Variants in SSX3 observed in about 807,000 individuals in gnomAD.
The protein encoded by SSX3 is protein SSX3.
Under a neutral mutation model 14.8 loss-of-function variants are expected in SSX3, and 6 were observed. That is an observed-to-expected ratio of 0.41 (90% CI 0.22 to 0.80). The LOEUF is 0.80. Ranked by LOEUF, SSX3 falls within the 30% of genes least tolerant of loss-of-function variation. The pLI is 0.34. For synonymous variants in SSX3, 55 were observed against 52.9 expected, an observed-to-expected ratio of 1.04 and a Z score of -0.18; for missense variants, 163 against 152.2, an observed-to-expected ratio of 1.07 and a Z score of -0.37.
At position 48,356,634 on chromosome X, in the gene SSX3, T is replaced by C. The variant is rs1390122009; in HGVS notation, c.-21A>G. The C allele has an allele frequency of 9.0e-6, 1 of 111,258 alleles. No homozygotes were observed. Among genetic ancestry groups the C allele is most frequent in the African/African-American group, 3.3e-5 (1 of 30,261 alleles). 9.2% of individuals were successfully genotyped at this position (111,258 alleles called of 1,213,427 possible). Reference sequence around the variant, plus strand: ...AAAAAGAAAATCAGTGTATTCTTACTCTGATTTTGGAAGAATCCAAAGAGA... The same window carrying C: ...AAAAAGAAAATCAGTGTATTCTTACCCTGATTTTGGAAGAATCCAAAGAGA... On this transcript the variant is annotated splice_region_variant and 5_prime_UTR_variant, in exon 1 of 8. Transcript: ENST00000298396.
At chrX:48,354,478 T>C (rs782579712) in intron 3 of SSX3, among the ~76,000 whole-genome samples, 154 bp downstream of exon 3, 4 of 109,056 alleles carry the variant, frequency 3.7e-5, no homozygotes, top group Admixed American at 9.9e-5. Flanking sequence ...CCTGACAGGA[T>C]ATAGAAGAGC....
At chrX:48,347,883 C>G (rs2061245513) in intron 6 of SSX3, among the ~76,000 whole-genome samples, 1 of 112,369 alleles carries the variant, frequency 8.9e-6, no homozygotes, top group Non-Finnish European at 1.9e-5. Context: ...TAATTTCATA[C>G]AGCACGTATT....
In SSX3 at chrX:48,348,633, C is replaced by T. The variant is rs150719214; in HGVS notation, c.467-1029G>A. On this transcript the variant is annotated intron_variant, in intron 6 of 7. Transcript: ENST00000298396. Reference sequence around the variant, plus strand: ...AGCTAGGCCTCTTGCACCAAACAGCCAAGCTGTGAATGCAAAGAAAAGTTC... The same window carrying T: ...AGCTAGGCCTCTTGCACCAAACAGCTAAGCTGTGAATGCAAAGAAAAGTTC... Among the ~76,000 whole-genome samples, 573 of 111,027 alleles carry T rather than the reference C, an allele frequency of 5.2e-3. 7 individuals carry two copies. The highest frequency in any genetic ancestry group is 0.019 in the African/African-American group (551 of 29,682).
At chrX:48,354,515 T>C in intron 3 of SSX3, 117 bp downstream of exon 3, 1 of 880,562 alleles carries the variant, frequency 1.1e-6, no homozygotes, top group Non-Finnish European at 1.6e-6. Flanking sequence ...GCCTTGCGAT[T>C]TTTCCCTACA....
intron 6 of SSX3, chrX:48,349,611 G>A: frequency 8.3e-7 from 1 of 1,208,621 alleles, no homozygotes; most frequent in Non-Finnish European, 1.1e-6. Flanking sequence ...CAGGCATTGA[G>A]CTGAGTAAGA....
intron 6 of SSX3, among the ~76,000 whole-genome samples, chrX:48,348,046 T>C (rs1379254071): frequency 8.9e-6 from 1 of 112,612 alleles, no homozygotes. Context: ...CAGTGAGCTT[T>C]ACTATTATTA....
Position 48,350,122 on chromosome X carries a change from T to A in SSX3, c.331A>T (p.Ile111Phe). The A allele has an allele frequency of 8.3e-7, 1 of 1,211,529 alleles. No individual in the cohort carries two copies. Among genetic ancestry groups the A allele is most frequent in the Middle Eastern group, 2.3e-4 (1 of 4,351 alleles). Residue 111 changes from isoleucine to phenylalanine, a missense_variant and splice_region_variant, in exon 6 of 8, where the codon ATC (isoleucine) becomes TTC (phenylalanine). Physicochemically the swap from Ile to Phe is conservative, Grantham distance 21. Coordinates refer to ENST00000298396, the MANE Select transcript of SSX3 (RefSeq NM_021014.4). ...TCCTCTGCTGGCTTCTTGGGCATGA[T>A]CTTTATAATGTGAAGGTCATAGATA... ...FGRLQGIFPK[I>F]MPKKPAEEGN...
chrX:48,350,897 A>G (rs1240236076), intron 5 of SSX3, among the ~76,000 whole-genome samples: 2 of 108,100 alleles, frequency 1.9e-5, no homozygotes, highest in African/African-American at 3.4e-5. Flanking sequence ...TAGCCTCCAG[A>G]GTATCTGGGA....
chrX:48,354,604 C>T, intron 3 of SSX3, 28 bp downstream of exon 3: 1 of 1,183,713 alleles, frequency 8.4e-7, no homozygotes, highest in Non-Finnish European at 1.1e-6. Flanking sequence ...TGTCCCCAGA[C>T]TTGTCTGTAC....
rs1388927617 is a variant in SSX3 at position 48,353,557 on chromosome X, G to A, written c.280+442C>T. ...GAAGAATCACTTGAACCCAGGAGGTGAAAGTTGGAGTGAGCTGAGATTGCC... is the reference window on the plus strand; with the variant it reads ...GAAGAATCACTTGAACCCAGGAGGTAAAAGTTGGAGTGAGCTGAGATTGCC... On this transcript the variant is annotated intron_variant, in intron 4 of 7. Coordinates refer to ENST00000298396, the MANE Select transcript of SSX3 (RefSeq NM_021014.4). Among the ~76,000 whole-genome samples the A allele has an allele frequency of 3.6e-5, 4 of 111,278 alleles. No individual in the cohort carries two copies. In the Admixed American group the frequency reaches 3.8e-4, roughly 11 times the overall value.
At position 48,346,822 on chromosome X, in the gene SSX3, T is replaced by A; in HGVS notation, c.*218A>T. The A allele has an allele frequency of 1.6e-6, 1 of 625,607 alleles. No individual in the cohort carries two copies. The highest frequency in any genetic ancestry group is 2.9e-5 in the Admixed American group (1 of 34,375). 51.6% of individuals were successfully genotyped at this position (625,607 alleles called of 1,213,427 possible). A position where few individuals can be genotyped will look rare whatever the true frequency, so the allele number is the denominator to read the frequency against. ...TTGCTCATCAGTGAAAATGTTAATATCTAACAGAATGACACACTTCAAGAA... is the reference window on the plus strand; with the variant it reads ...TTGCTCATCAGTGAAAATGTTAATAACTAACAGAATGACACACTTCAAGAA... On this transcript the variant is annotated 3_prime_UTR_variant, in exon 8 of 8. Transcript: ENST00000298396.
Position 48,354,648 on chromosome X carries a change from C to T in SSX3, c.168G>A (p.Glu56=), listed in dbSNP as rs1172596656. Residue 56 remains glutamate (E), a synonymous_variant, in exon 3 of 8, where the codon GAG becomes GAA. Coordinates refer to ENST00000298396, the MANE Select transcript of SSX3 (RefSeq NM_021014.4). ...IVYVYMKRKY[E]AMTKLGFKAI... is the part of the protein sequence containing the mutation. The stretch of plus-strand genomic sequence containing the variant: ...TTCTGTTACCTAGTTTAGTCATGGC[C>T]TCATACTTTCTCTTCATATACACAT... 3 of 1,207,246 alleles carry T rather than the reference C, an allele frequency of 2.5e-6. No individual in the cohort carries two copies. The African/African-American group carries it at 5.2e-5, about 21-fold the overall frequency.
intron 4 of SSX3, among the ~76,000 whole-genome samples, chrX:48,352,670 C>T (rs1260164442): frequency 4.5e-5 from 5 of 112,254 alleles, no homozygotes; most frequent in South Asian, 3.7e-4. Context: ...ATAGTGATTG[C>T]GGGAGATTGT....
intron 5 of SSX3, 42 bp downstream of exon 5, chrX:48,352,058 G>A: frequency 8.4e-7 from 1 of 1,190,644 alleles, no homozygotes; most frequent in Non-Finnish European, 1.1e-6. Context: ...ATCCTTGGAG[G>A]GACAAAGGTT....
chrX:48,348,869 C>T (rs1319769441), intron 6 of SSX3, among the ~76,000 whole-genome samples: 1 of 112,114 alleles, frequency 8.9e-6, no homozygotes, highest in Non-Finnish European at 1.9e-5. Flanking sequence ...CTCTTCAAAT[C>T]CATGAAAGCT....
chrX:48,350,771 C>CT (rs374614128), intron 5 of SSX3, among the ~76,000 whole-genome samples: 4,779 of 96,295 alleles, frequency 0.05, 334 homozygotes, highest in African/African-American at 0.16. Flanking sequence ...CTTTCTTTTT[C>CT]TTTTTTTTTT....
chrX:48,352,311 A>G (rs1189158987), intron 4 of SSX3, 162 bp from the exon 5 acceptor site: 6 of 631,589 alleles, frequency 9.5e-6, no homozygotes, highest in East Asian at 3.7e-5. Flanking sequence ...GTCATGGTTG[A>G]TGCATTTATC....
Position 48,350,016 on chromosome X carries a change from G to A in SSX3, c.437C>T (p.Thr146Ile). The change falls in exon 6 of 8, where the codon ACT becomes ATT. Residue 146 changes from threonine (T) to isoleucine (I), a missense_variant. Physicochemically the swap from Thr to Ile is moderately conservative, Grantham distance 89. Coordinates refer to ENST00000298396, the MANE Select transcript of SSX3 (RefSeq NM_021014.4). ...TATCATGTTAATCTTCTCAGAGGTA[G>A]TTGGTTTTCCCGGGGGGCACAGCTG... is the stretch of plus-strand genomic sequence containing the variant. ...GKQLCPPGKP[T>I]TSEKINMISG... 1 of 1,211,810 alleles carries A rather than the reference G, an allele frequency of 8.3e-7. No homozygotes were observed. The highest frequency in any genetic ancestry group is 2.3e-4 in the Middle Eastern group (1 of 4,356).
chrX:48,350,027 CG>C lies in SSX3; in HGVS notation c.425del (p.Pro142ArgfsTer12), dbSNP rs2061255201. 2.5e-6 allele frequency: 3 copies of C among 1,211,578 alleles called. No individual in the cohort carries two copies. The highest frequency in any genetic ancestry group is 3.4e-6 in the Non-Finnish European group (3 of 895,501). On this transcript the variant is annotated frameshift_variant, in exon 6 of 8. Transcript: ENST00000298396. LOFTEE classifies it high-confidence loss of function. ...TCTTCTCAGAGGTAGTTGGTTTTCC[CG>C]GGGGGCACAGCTGTTTCCCATCGTT... ...PQNDGKQLCP[P>X]GKPTTSEKIN...
Sources: gnomAD v4.1 joint callset for allele counts (sites outside exome capture counted in the v4.1 genomes callset) on GRCh38, gnomAD v4.1.1 for gene constraint, MANE v1.5 for transcripts, NCBI Gene and HGNC (gene_info 2026-07-23, HGNC 2026-07-21) for gene names.